The following MYOM1 variants were observed in gnomAD, a reference collection of about 807,000 sequenced individuals.
The protein encoded by MYOM1 is myomesin 1.
A neutral mutation model predicts 205.3 loss-of-function variants in MYOM1; 164 were observed. The observed-to-expected ratio is 0.80, with a 90% CI of 0.70 to 0.91. MYOM1 has a LOEUF of 0.91. Among genes scored for constraint, MYOM1 ranks in the 40% least tolerant of loss-of-function variants. The pLI is 0.00. For missense variants in MYOM1, 2,011 were observed against 2,127.3 expected, an observed-to-expected ratio of 0.95 and a Z score of 1.08; for synonymous variants, 772 against 789.4, an observed-to-expected ratio of 0.98 and a Z score of 0.37.
chr18:3,146,152 T>C (rs2080119216), intron 13 of MYOM1, among the ~76,000 whole-genome samples: 5 of 151,942 alleles, frequency 3.3e-5, no homozygotes, highest in Admixed American at 3.3e-4. Flanking sequence ...CCTCCAGGCC[T>C]AGATGGCTCT....
At chr18:3,072,336 GC>G (rs1335139322) in intron 36 of MYOM1, among the ~76,000 whole-genome samples, 4 of 118,074 alleles carry the variant, frequency 3.4e-5, no homozygotes, top group African/African-American at 7.6e-5. Context: ...GCAGGCGTGA[GC>G]CACCGCACCC....
rs370203431 is a variant in MYOM1, at chr18:3,136,017, T to C, written c.2026-287A>G. ...GTGGGAGGGACCTGGTGGGAGATAA[T>C]TGAATCATGGGGGCGGTTTCCCCCA... On this transcript the variant is annotated intron_variant, in intron 14 of 37. Transcript: ENST00000356443. 1.1e-3 allele frequency among the ~76,000 whole-genome samples: 174 copies of C among 152,310 alleles called. 1 individual carries two copies. The highest frequency in any genetic ancestry group is 4.1e-3 in the African/African-American group (171 of 41,562).
intron 13 of MYOM1, 64 bp downstream of exon 13, chr18:3,149,081 C>T (rs1402902607): frequency 1.4e-6 from 2 of 1,438,678 alleles, no homozygotes; most frequent in Admixed American, 3.4e-5. Flanking sequence ...GCACCCTCCA[C>T]AACAAAAGGC....
chr18:3,215,378 C>G (rs1424172870), intron 1 of MYOM1, 127 bp from the exon 2 acceptor site: 1 of 769,564 alleles, frequency 1.3e-6, no homozygotes, highest in East Asian at 2.7e-5. Flanking sequence ...GAAATCCCAA[C>G]GAGGATCTCT....
At chr18:3,120,425 C>A (rs906577408) in intron 19 of MYOM1, among the ~76,000 whole-genome samples, 3 of 152,146 alleles carry the variant, frequency 2.0e-5, no homozygotes, top group African/African-American at 7.2e-5. Flanking sequence ...GAGCTGCCTA[C>A]CCACTCACAT....
intron 2 of MYOM1, among the ~76,000 whole-genome samples, chr18:3,203,825 T>C (rs2081097006): frequency 6.6e-6 from 1 of 150,978 alleles, no homozygotes; most frequent in Non-Finnish European, 1.5e-5. Context: ...GACGTTATAA[T>C]AAAAGGAAAC....
chr18:3,215,303 G>A (rs1598779029), intron 1 of MYOM1, 52 bp from the exon 2 acceptor site: 1 of 1,347,324 alleles, frequency 7.4e-7, no homozygotes. Context: ...AAATTCCATA[G>A]ACCAAGTCAT....
At chr18:3,242,800 C>A in the MYOM1 span, among the ~76,000 whole-genome samples, 2 of 152,186 alleles carry the variant, frequency 1.3e-5, no homozygotes, top group African/African-American at 4.8e-5. Context: ...TGAGCCTCTG[C>A]GCCTGACCTC....
At chr18:3,087,273 T>A (rs2079164917) in intron 29 of MYOM1, among the ~76,000 whole-genome samples, 1 of 150,880 alleles carries the variant, frequency 6.6e-6, no homozygotes, top group Admixed American at 6.6e-5. Context: ...GTTTAGGCAG[T>A]TGTTAGAAAA....
intron 10 of MYOM1, among the ~76,000 whole-genome samples, chr18:3,155,496 T>G (rs563263085): frequency 1.3e-5 from 2 of 152,220 alleles, no homozygotes; most frequent in Non-Finnish European, 2.9e-5. Flanking sequence ...AGTGCTGGGA[T>G]TACAGGCGTG....
chr18:3,234,173 G>C, the MYOM1 span, among the ~76,000 whole-genome samples: 2 of 152,194 alleles, frequency 1.3e-5, no homozygotes, highest in South Asian at 4.1e-4. Flanking sequence ...CATAGGACGT[G>C]CTCAATAAAG....
chr18:3,151,657 G>C lies in MYOM1; in HGVS notation c.1843+37C>G, dbSNP rs1490327856. ...CTGATTCTTGCAGTCATTTTAAAAA[G>C]GTTTAGGGAAGGTCCTGAAAAATGA... On this transcript the variant is annotated intron_variant, in intron 12 of 37. Coordinates refer to ENST00000356443, the MANE Select transcript of MYOM1 (RefSeq NM_003803.4). The C allele has an allele frequency of 3.2e-6, 5 of 1,568,322 alleles. No homozygotes were observed. In the Admixed American group the frequency reaches 5.4e-5, roughly 17 times the overall value.
In MYOM1 at chr18:3,173,307, AT is replaced by A. The variant is rs374414287; in HGVS notation, c.1174+630del. 9.2e-4 allele frequency among the ~76,000 whole-genome samples: 140 copies of A among 152,240 alleles called. No homozygotes were observed. In the South Asian group the frequency reaches 0.023, roughly 25 times the overall value. Reference sequence around the variant, plus strand: ...TATAACTTAATGCATTTATTTATTCATTTCATTATTGAATACCCACTCTGTG... The same window carrying A: ...TATAACTTAATGCATTTATTTATTCATTCATTATTGAATACCCACTCTGTG... On this transcript the variant is annotated intron_variant, in intron 8 of 37. Coordinates refer to ENST00000356443, the MANE Select transcript of MYOM1 (RefSeq NM_003803.4).
intron 3 of MYOM1, among the ~76,000 whole-genome samples, chr18:3,191,852 C>A (rs1046139283): frequency 2.6e-5 from 4 of 151,524 alleles, no homozygotes; most frequent in Admixed American, 1.3e-4. Context: ...CCCGCCACCA[C>A]GCCCGGCTAA....
the MYOM1 span, among the ~76,000 whole-genome samples, chr18:3,237,879 A>G: frequency 6.6e-6 from 1 of 152,214 alleles, no homozygotes; most frequent in Non-Finnish European, 1.5e-5. Context: ...GTGGTGATGC[A>G]TAACACTACA....
At position 3,131,605 on chromosome 18, in the gene MYOM1, T is replaced by A. The variant is rs1056117898; in HGVS notation, c.2385-109A>T. 153 of 951,988 alleles carry A rather than the reference T, an allele frequency of 1.6e-4. 1 individual carries two copies. The Middle Eastern group carries it at 1.7e-3, about 10-fold the overall frequency. 59.0% of individuals were successfully genotyped at this position (951,988 alleles called of 1,614,324 possible). A position where few individuals can be genotyped will look rare whatever the true frequency, so the allele number is the denominator to read the frequency against. On this transcript the variant is annotated intron_variant, in intron 16 of 37. Transcript: ENST00000356443. ...TTTATGAAAACAATTCTTTTTTTTT[T>A]ATTGTGATTTATTTTGAACAGAAAT... is the stretch of plus-strand genomic sequence containing the variant.
At position 3,067,166 on chromosome 18, in the gene MYOM1, A is replaced by G; in HGVS notation, c.*96T>C. 1 of 1,350,948 alleles carries G rather than the reference A, an allele frequency of 7.4e-7. No homozygotes were observed. Among genetic ancestry groups the G allele is most frequent in the Non-Finnish European group, 1.0e-6 (1 of 1,003,410 alleles). 83.7% of individuals were successfully genotyped at this position (1,350,948 alleles called of 1,614,324 possible). On this transcript the variant is annotated 3_prime_UTR_variant, in exon 38 of 38. Transcript: ENST00000356443. ...CATTATTTTCCCCTCAAGCCAGAAAATAATAGGGAGGAGAAAGCATGAAGA... is the reference window on the plus strand; with the variant it reads ...CATTATTTTCCCCTCAAGCCAGAAAGTAATAGGGAGGAGAAAGCATGAAGA...
Position 3,067,193 on chromosome 18 carries a change from G to A in MYOM1, c.*69C>T, listed in dbSNP as rs1407258864. 1.3e-5 allele frequency: 19 copies of A among 1,457,984 alleles called. No individual in the cohort carries two copies. The highest frequency in any genetic ancestry group is 1.1e-4 in the Admixed American group (5 of 46,618). The allele number at this position is 1,457,984 out of a possible 1,614,324, so 90.3% of individuals were successfully genotyped here. On this transcript the variant is annotated 3_prime_UTR_variant, in exon 38 of 38. Coordinates refer to ENST00000356443, the MANE Select transcript of MYOM1 (RefSeq NM_003803.4). ...AATAGGGAGGAGAAAGCATGAAGACGTCTCATCCTTAACCCAAACCATTCA... is the reference window on the plus strand; with the variant it reads ...AATAGGGAGGAGAAAGCATGAAGACATCTCATCCTTAACCCAAACCATTCA...
intron 10 of MYOM1, among the ~76,000 whole-genome samples, chr18:3,162,167 A>T (rs8091842): frequency 0.017 from 2,587 of 152,260 alleles, 79 homozygotes; most frequent in African/African-American, 0.058. Flanking sequence ...CTTAGACACC[A>T]TTCTGGCTAA....
Sources: gnomAD v4.1 joint callset for allele counts (sites outside exome capture counted in the v4.1 genomes callset) on GRCh38, gnomAD v4.1.1 for gene constraint, MANE v1.5 for transcripts, NCBI Gene and HGNC (gene_info 2026-07-23, HGNC 2026-07-21) for gene names.